The following CTCF variants were observed in gnomAD, a reference collection of about 807,000 sequenced individuals.
CTCF encodes the protein transcriptional repressor CTCF.
A neutral mutation model predicts 72.3 loss-of-function variants in CTCF; 7 were observed. The ratio of observed to expected loss-of-function variants is 0.10; its 90% confidence interval spans 0.06 to 0.18. The LOEUF (loss-of-function observed/expected upper bound fraction) is 0.18, where lower values mean the gene tolerates loss of function less well. Among genes scored for constraint, CTCF ranks in the 10% least tolerant of loss-of-function variants. The pLI, the probability that CTCF is intolerant of heterozygous loss-of-function variation, is 1.00. For missense variants in CTCF, 516 were observed against 949.1 expected (o/e 0.54, Z 6.00); for synonymous variants, 374 against 315.8 (o/e 1.18, Z -1.95).
chr16:67,585,963 C>T (rs962473852), intron 2 of CTCF, among the ~76,000 whole-genome samples: 3 of 151,984 alleles, frequency 2.0e-5, no homozygotes, highest in African/African-American at 7.3e-5. Context: ...AATATATAAC[C>T]CTCCCTGCCC....
rs532975510 is a variant in CTCF, at chr16:67,567,697, C to A, written c.-126-3451C>A. ...CCTTGAACTCCTGGGCTCAAGCAGT[C>A]TTCCTGCTGCAGCCTCCCAAGTAGC... On this transcript the variant is annotated intron_variant, in intron 1 of 11. Transcript: ENST00000264010. 2.0e-5 allele frequency among the ~76,000 whole-genome samples: 3 copies of A among 151,118 alleles called. No homozygotes were observed. In the South Asian group the frequency reaches 6.3e-4, roughly 32 times the overall value.
chr16:67,620,364 C>G (rs2052185219), intron 5 of CTCF, among the ~76,000 whole-genome samples: 1 of 152,012 alleles, frequency 6.6e-6, no homozygotes, highest in South Asian at 2.1e-4. Context: ...CCATGCTTGG[C>G]TAATTTTTGT....
rs2052462979 is a variant in CTCF, at chr16:67,638,487, G to GT, written c.*616dup. Reference sequence around the variant, plus strand: ...TTAAGAGGTTGAAAAGAAGTGCAGTGTAAGAAAACCCAGCATTTTAATTAC... The same window carrying GT: ...TTAAGAGGTTGAAAAGAAGTGCAGTGTTAAGAAAACCCAGCATTTTAATTAC... On this transcript the variant is annotated 3_prime_UTR_variant, in exon 12 of 12. Transcript: ENST00000264010. The GT allele has an allele frequency of 4.4e-6, 1 of 224,932 alleles. No individual in the cohort carries two copies. The highest frequency in any genetic ancestry group is 8.9e-6 in the Non-Finnish European group (1 of 112,620). The allele number at this position is 224,932 out of a possible 1,614,324, so 13.9% of individuals were successfully genotyped here.
At position 67,591,353 on chromosome 16, in the gene CTCF, G is replaced by A. The variant is rs935130553; in HGVS notation, c.-9-19471G>A. Among the ~76,000 whole-genome samples, 3 of 152,114 alleles carry A rather than the reference G, an allele frequency of 2.0e-5. No homozygotes were observed. In the South Asian group the frequency reaches 6.2e-4, roughly 32 times the overall value. ...GGTACAGTTGTGATTAAATAGATGAGTGCTTTTTCAGATAAAGGCTGCTTC... is the reference window on the plus strand; with the variant it reads ...GGTACAGTTGTGATTAAATAGATGAATGCTTTTTCAGATAAAGGCTGCTTC... On this transcript the variant is annotated intron_variant, in intron 2 of 11. Coordinates refer to ENST00000264010, the MANE Select transcript of CTCF (RefSeq NM_006565.4).
chr16:67,606,593 C>G (rs2051976221), intron 2 of CTCF, among the ~76,000 whole-genome samples: 1 of 152,026 alleles, frequency 6.6e-6, no homozygotes, highest in Non-Finnish European at 1.5e-5. Context: ...CTCAGGTGGT[C>G]CTGGCTTAAG....
chr16:67,619,359 C>T (rs1398860731), intron 5 of CTCF, among the ~76,000 whole-genome samples: 1 of 152,092 alleles, frequency 6.6e-6, no homozygotes, highest in South Asian at 2.1e-4. Flanking sequence ...TTGCTTGACC[C>T]TGGGAGGCGG....
chr16:67,631,893 C>CA (rs368281155), intron 10 of CTCF, among the ~76,000 whole-genome samples: 2 of 151,508 alleles, frequency 1.3e-5, no homozygotes, highest in African/African-American at 4.8e-5. Context: ...GGGAACATGG[C>CA]AAAACCCTGT....
chr16:67,621,598 A>G lies in CTCF; in HGVS notation c.1357+7A>G, dbSNP rs1217639951. The G allele has an allele frequency of 1.9e-6, 3 of 1,586,030 alleles. No individual in the cohort carries two copies. The African/African-American group carries it at 4.0e-5, about 21-fold the overall frequency. On this transcript the variant is annotated splice_region_variant and intron_variant, in intron 7 of 11. Transcript: ENST00000264010. ...GCCCGAAAAAGTGATTTGGGTAAGT[A>G]GATTAACTAGTGAGAAGTGAAAAAA...
chr16:67,638,417 C>T lies in CTCF; in HGVS notation c.*545C>T, dbSNP rs1351670034. The stretch of plus-strand genomic sequence containing the variant: ...TTCTTGGCAAAGTTTCTGGTATGGT[C>T]AAGCTTGTAAATAACTTTTTTTACA... On this transcript the variant is annotated 3_prime_UTR_variant, in exon 12 of 12. Transcript: ENST00000264010. 2 of 225,394 alleles carry T rather than the reference C, an allele frequency of 8.9e-6. No homozygotes were observed. The highest frequency in any genetic ancestry group is 1.3e-4 in the East Asian group (2 of 15,604). 14.0% of individuals were successfully genotyped at this position (225,394 alleles called of 1,614,324 possible). A position where few individuals can be genotyped will look rare whatever the true frequency, so the allele number is the denominator to read the frequency against.
intron 4 of CTCF, 141 bp downstream of exon 4, chr16:67,612,262 T>G (rs143770196): frequency 1.4e-6 from 1 of 701,770 alleles, no homozygotes; most frequent in Non-Finnish European, 2.3e-6. Flanking sequence ...CATGATTTTA[T>G]TGTAAGCACT....
At chr16:67,567,137 G>T (rs1597672428) in intron 1 of CTCF, among the ~76,000 whole-genome samples, 1 of 152,254 alleles carries the variant, frequency 6.6e-6, no homozygotes, top group Admixed American at 6.5e-5. Flanking sequence ...ACCGTGTCCA[G>T]CCCATTTTTT....
Position 67,620,647 on chromosome 16 carries a change from T to A in CTCF, c.1087-50T>A, listed in dbSNP as rs751255810. On this transcript the variant is annotated intron_variant, in intron 5 of 11. Coordinates refer to ENST00000264010, the MANE Select transcript of CTCF (RefSeq NM_006565.4). ...TTGTGCCTAACCTACTGTGCTCTTG[T>A]TACAGTCTGTGTTAACAGAAGTTAA... 2.1e-5 allele frequency: 31 copies of A among 1,466,216 alleles called. No individual in the cohort carries two copies. The Admixed American group carries it at 5.8e-4, about 27-fold the overall frequency. 90.8% of individuals were successfully genotyped at this position (1,466,216 alleles called of 1,614,324 possible).
chr16:67,634,914 G>C (rs1341102746), intron 10 of CTCF, among the ~76,000 whole-genome samples: 2 of 151,998 alleles, frequency 1.3e-5, no homozygotes. Flanking sequence ...TGTTGGCCAG[G>C]CTTGTCTCGA....
At chr16:67,565,185 A>G (rs954663210) in intron 1 of CTCF, among the ~76,000 whole-genome samples, 4 of 151,680 alleles carry the variant, frequency 2.6e-5, no homozygotes, top group African/African-American at 9.7e-5. Flanking sequence ...TATTTTTAGT[A>G]GAGACGGGTT....
At position 67,578,686 on chromosome 16, in the gene CTCF, G is replaced by A. The variant is rs575485651; in HGVS notation, c.-10+7422G>A. ...AAATAGGCCGGGCATGGTGTCTCAC[G>A]CCTGTAATCTCAGCATTTTGGGAGG... On this transcript the variant is annotated intron_variant, in intron 2 of 11. Coordinates refer to ENST00000264010, the MANE Select transcript of CTCF (RefSeq NM_006565.4). Among the ~76,000 whole-genome samples the A allele has an allele frequency of 2.8e-3, 424 of 151,754 alleles. 2 individuals are homozygous for A. The highest frequency in any genetic ancestry group is 4.8e-3 in the Non-Finnish European group (325 of 67,938).
rs1214016102 is a variant in CTCF, at chr16:67,611,327, G to A, written c.495G>A (p.Gln165=). The change falls in exon 3 of 12, where the codon CAG becomes CAA. Residue 165 remains glutamine (Q), a synonymous_variant. Coordinates refer to ENST00000264010, the MANE Select transcript of CTCF (RefSeq NM_006565.4). ...CCCTACCTTTGCCTGAAGGGTTTCA[G>A]GTGGTTAAAGTGGGGGCCAATGGAG... is the stretch of plus-strand genomic sequence containing the variant. ...CHTLPLPEGF[Q]VVKVGANGEV... is the part of the protein sequence containing the mutation. 1.9e-6 allele frequency: 3 copies of A among 1,614,114 alleles called. No homozygotes were observed. Among genetic ancestry groups the A allele is most frequent in the Non-Finnish European group, 2.5e-6 (3 of 1,180,020 alleles).
At chr16:67,571,719 G>A (rs754265410) in intron 2 of CTCF, among the ~76,000 whole-genome samples, 38 of 152,274 alleles carry the variant, frequency 2.5e-4, no homozygotes, top group Admixed American at 4.6e-4. Flanking sequence ...GAAACAGATG[G>A]AATCCTGTTC....
rs2052067895 is a variant in CTCF at position 67,611,940 on chromosome 16, T to G, written c.782-11T>G. The G allele has an allele frequency of 6.2e-7, 1 of 1,612,642 alleles. No homozygotes were observed. The highest frequency in any genetic ancestry group is 8.5e-7 in the Non-Finnish European group (1 of 1,178,904). On this transcript the variant is annotated splice_polypyrimidine_tract_variant and intron_variant, in intron 3 of 11. Coordinates refer to ENST00000264010, the MANE Select transcript of CTCF (RefSeq NM_006565.4). ...ACTCTGCAGCAAGTAAGTGTTTTAT[T>G]TTGCACATAGGTGTAAAGAAGACAT... is the stretch of plus-strand genomic sequence containing the variant.
intron 2 of CTCF, among the ~76,000 whole-genome samples, chr16:67,585,721 TAC>T (rs1055277264): frequency 3.2e-4 from 48 of 152,298 alleles, no homozygotes; most frequent in African/African-American, 1.1e-3. Flanking sequence ...ATCACATATT[TAC>T]AGAGGTATGA....
Sources: allele counts gnomAD v4.1 joint callset (sites outside exome capture counted in the v4.1 genomes callset), GRCh38; gene constraint gnomAD v4.1.1; transcripts MANE v1.5; gene names NCBI Gene and HGNC (gene_info 2026-07-23, HGNC 2026-07-21).